The following PCM1 variants were observed in gnomAD, a reference collection of about 807,000 sequenced individuals.
PCM1 encodes pericentriolar material 1.
A neutral mutation model predicts 241.9 loss-of-function variants in PCM1; 157 were observed. The observed-to-expected ratio is 0.65, with a 90% CI of 0.57 to 0.74. PCM1 has a LOEUF of 0.74. PCM1 is among the 30% of genes least tolerant of loss of function. PCM1 has a pLI of 0.00. For missense variants in PCM1, 3,478 were observed against 2,360.1 expected (o/e 1.47, Z -9.81); for synonymous variants, 1,085 against 784.9 (o/e 1.38, Z -6.39).
chr8:18,020,442 T>C (rs1162277525), intron 36 of PCM1, among the ~76,000 whole-genome samples: 2 of 152,148 alleles, frequency 1.3e-5, no homozygotes, highest in African/African-American at 2.4e-5. Context: ...ATGATATCCT[T>C]CTCCTGTCAC....
At position 17,991,533 on chromosome 8, in the gene PCM1, CAA is replaced by C; in HGVS notation, c.4532-7_4532-6del. On this transcript the variant is annotated splice_region_variant and splice_polypyrimidine_tract_variant and intron_variant, in intron 27 of 38. Transcript: ENST00000325083. ...ACATACTCAAAAAATATTTTTGTTC[CAA>C]ATGTAGGTAACACCGTGATTCACTT... 1 of 1,568,106 alleles carries C rather than the reference CAA, an allele frequency of 6.4e-7. No homozygotes were observed. The highest frequency in any genetic ancestry group is 8.7e-7 in the Non-Finnish European group (1 of 1,155,250).
rs749482118 is a variant in PCM1 at position 17,980,733 on chromosome 8, T to C, written c.4086T>C (p.Asn1362=). 12 of 1,610,106 alleles carry C rather than the reference T, an allele frequency of 7.5e-6. No individual in the cohort carries two copies. Among genetic ancestry groups the C allele is most frequent in the East Asian group, 2.2e-5 (1 of 44,840 alleles). The stretch of plus-strand genomic sequence containing the variant: ...AACTGGAAAAAATAATAAAATGTAA[T>C]AGGTCTACAGAAATATCTTCAGGTA... ...HEQLEKIIKC[N]RSTEISSETG... The change falls in exon 24 of 39, where the codon AAT becomes AAC. Residue 1362 remains asparagine, a synonymous_variant. Coordinates refer to ENST00000325083, the MANE Select transcript of PCM1 (RefSeq NM_006197.4).
At position 17,955,544 on chromosome 8, in the gene PCM1, A is replaced by G. The variant is rs1389565347; in HGVS notation, c.1363A>G (p.Asn455Asp). 6.2e-7 allele frequency: 1 copy of G among 1,613,778 alleles called. No individual in the cohort carries two copies. The highest frequency in any genetic ancestry group is 8.5e-7 in the Non-Finnish European group (1 of 1,179,720). Residue 455 changes from asparagine to aspartate, a missense_variant, in exon 10 of 39, where the codon AAT becomes GAT. Transcript: ENST00000325083. ...TTCTGTAGGCTTGGCACCGGTTGTC[A>G]ATGGAGAATCCAATAGCCTCACATC... ...SASVGLAPVV[N>D]GESNSLTSSV... is the part of the protein sequence containing the mutation.
chr8:17,960,927 C>A (rs965833301), intron 15 of PCM1, among the ~76,000 whole-genome samples: 2 of 152,008 alleles, frequency 1.3e-5, no homozygotes, highest in African/African-American at 4.8e-5. Flanking sequence ...TAAAAGACAG[C>A]ACATAGGAAT....
At chr8:17,971,946 A>T (rs544171139) in intron 22 of PCM1, among the ~76,000 whole-genome samples, 128 of 151,880 alleles carry the variant, frequency 8.4e-4, no homozygotes, top group African/African-American at 3.0e-3. Context: ...GGTCTCACCA[A>T]CTTGTCTGGG....
chr8:18,006,639 G>A (rs757774846), intron 30 of PCM1, among the ~76,000 whole-genome samples: 2 of 152,094 alleles, frequency 1.3e-5, no homozygotes, highest in Non-Finnish European at 2.9e-5. Context: ...TCTCTTATAA[G>A]CTTTTACTGG....
intron 2 of PCM1, chr8:17,926,148 A>G (rs528619300): frequency 1.3e-5 from 2 of 152,300 alleles, no homozygotes; most frequent in African/African-American, 4.8e-5. Context: ...AATAATTACA[A>G]AATTAGTTAT....
chr8:17,928,286 C>T (rs1447405064), intron 2 of PCM1, among the ~76,000 whole-genome samples: 2 of 152,156 alleles, frequency 1.3e-5, no homozygotes, highest in African/African-American at 4.8e-5. Context: ...TCTCTCGTTT[C>T]CCTGAGTCCG....
At chr8:17,958,009 A>G (rs1052244448) in intron 13 of PCM1, among the ~76,000 whole-genome samples, 5 of 152,186 alleles carry the variant, frequency 3.3e-5, no homozygotes, top group Admixed American at 6.5e-5. Context: ...ATCTGTCACA[A>G]TTTCACAATG....
intron 22 of PCM1, among the ~76,000 whole-genome samples, 155 bp downstream of exon 22, chr8:17,969,903 A>G (rs1346838206): frequency 1.3e-5 from 2 of 152,158 alleles, no homozygotes; most frequent in African/African-American, 2.4e-5. Context: ...AGTAGATGAG[A>G]TGCCAGATAC....
rs768160984 is a variant in PCM1, at chr8:17,940,040, A to C, written c.783+179A>C. On this transcript the variant is annotated intron_variant, in intron 6 of 38. Transcript: ENST00000325083. ...ATGATTTATACCGCTAAAATATTTC[A>C]GGCTAGAGAAAATGAGGAGGAGGAT... The C allele has an allele frequency of 2.6e-6, 4 of 1,544,588 alleles. No homozygotes were observed. The South Asian group carries it at 3.5e-5, about 13-fold the overall frequency.
chr8:18,010,737 C>T, intron 32 of PCM1, 69 bp downstream of exon 32: 1 of 1,042,240 alleles, frequency 9.6e-7, no homozygotes, highest in Non-Finnish European at 1.4e-6. Flanking sequence ...AATCGCAGCC[C>T]TTTGGGAGGC....
chr8:18,011,525 C>A, intron 33 of PCM1, 142 bp from the exon 34 acceptor site: 1 of 1,073,850 alleles, frequency 9.3e-7, no homozygotes, highest in Non-Finnish European at 1.3e-6. Context: ...ACTTTCTGCA[C>A]TGTAAGTTTT....
chr8:18,004,982 C>T (rs2090837468), intron 29 of PCM1, among the ~76,000 whole-genome samples: 2 of 152,116 alleles, frequency 1.3e-5, no homozygotes, highest in African/African-American at 4.8e-5. Context: ...TCACATTATT[C>T]AACATTTTCC....
chr8:17,964,870 A>G (rs545456157), intron 18 of PCM1, 102 bp downstream of exon 18: 10 of 818,292 alleles, frequency 1.2e-5, no homozygotes, highest in African/African-American at 1.7e-5. Context: ...TGAATGTCCT[A>G]CAACTCAATT....
intron 17 of PCM1, 54 bp from the exon 18 acceptor site, chr8:17,964,514 G>C (rs755523970): frequency 7.5e-7 from 1 of 1,340,662 alleles, no homozygotes; most frequent in South Asian, 1.3e-5. Context: ...GTAGGTGGCA[G>C]AGTATTTAAC....
intron 1 of PCM1, among the ~76,000 whole-genome samples, chr8:17,923,435 C>T (rs371074534): frequency 3.9e-5 from 6 of 152,332 alleles, no homozygotes; most frequent in East Asian, 3.9e-4. Context: ...TGCAGGACTC[C>T]CTTCTTGCCT....
intron 28 of PCM1, among the ~76,000 whole-genome samples, chr8:17,993,242 A>T (rs903724748): frequency 6.6e-6 from 1 of 151,982 alleles, no homozygotes; most frequent in African/African-American, 2.4e-5. Context: ...TTGAAGGTAT[A>T]TTTTTTATTG....
intron 7 of PCM1, among the ~76,000 whole-genome samples, chr8:17,949,286 C>T (rs993698591): frequency 2.0e-5 from 3 of 152,022 alleles, no homozygotes; most frequent in African/African-American, 7.2e-5. Context: ...GAGACATTAT[C>T]TTGGGATAAT....
Sources: allele counts gnomAD v4.1 joint callset (sites outside exome capture counted in the v4.1 genomes callset), GRCh38; gene constraint gnomAD v4.1.1; transcripts MANE v1.5; gene names NCBI Gene and HGNC (gene_info 2026-07-23, HGNC 2026-07-21).